The following NCOA1 variants were observed in gnomAD, a reference collection of about 807,000 sequenced individuals.
The protein encoded by NCOA1 is Hin-2 protein.
Under a neutral mutation model 150.9 loss-of-function variants are expected in NCOA1, and 35 were observed. That is an observed-to-expected ratio of 0.23 (90% CI 0.18 to 0.31). The LOEUF (loss-of-function observed/expected upper bound fraction) is 0.31, where lower values mean the gene tolerates loss of function less well. NCOA1 is among the 10% of genes least tolerant of loss of function. The pLI is 1.00. For synonymous variants in NCOA1, 590 were observed against 630.0 expected (o/e 0.94, Z 0.95); for missense variants, 1,491 against 1,749.3 (o/e 0.85, Z 2.63).
At chr2:24,745,240 C>T (rs968924579) in intron 19 of NCOA1, among the ~76,000 whole-genome samples, 26 of 150,280 alleles carry the variant, frequency 1.7e-4, no homozygotes, top group African/African-American at 6.4e-4. Flanking sequence ...CGGCTCACTG[C>T]AACCTCCACC....
At chr2:24,729,182 A>G (rs567014703) in intron 16 of NCOA1, among the ~76,000 whole-genome samples, 4 of 152,318 alleles carry the variant, frequency 2.6e-5, no homozygotes, top group Admixed American at 1.3e-4. Context: ...TCTACTTCCT[A>G]TAGTAAGCTA....
chr2:24,759,004 CA>C lies in NCOA1; in HGVS notation c.4065+855del, dbSNP rs537529761. Among the ~76,000 whole-genome samples, 481 of 151,880 alleles carry C rather than the reference CA, an allele frequency of 3.2e-3. 2 individuals carry two copies. Among genetic ancestry groups the C allele is most frequent in the South Asian group, 0.015 (72 of 4,806 alleles). On this transcript the variant is annotated intron_variant, in intron 21 of 22. Transcript: ENST00000348332. ...ACTCCATCTCAAAAAAACAAACAAA[CA>C]AAAAAACAGTACATGTAATATATTG...
At chr2:24,701,773 G>T (rs540740084) in intron 11 of NCOA1, among the ~76,000 whole-genome samples, 1 of 152,334 alleles carries the variant, frequency 6.6e-6, no homozygotes, top group South Asian at 2.1e-4. Context: ...TATTTTGAGA[G>T]GCTGAGGTGT....
intron 22 of NCOA1, chr2:24,767,668 A>G (rs1265374672): frequency 6.4e-6 from 1 of 156,738 alleles, no homozygotes; most frequent in Non-Finnish European, 1.4e-5. Context: ...TCTAAAGCCA[A>G]TATGTGAAAG....
intron 1 of NCOA1, among the ~76,000 whole-genome samples, chr2:24,537,652 A>C (rs1665216888): frequency 6.6e-6 from 1 of 152,078 alleles, no homozygotes; most frequent in Admixed American, 6.6e-5. Context: ...ACAAGTTTAG[A>C]TATCTGATGA....
chr2:24,684,441 G>C (rs575837991), intron 8 of NCOA1, among the ~76,000 whole-genome samples: 7 of 152,302 alleles, frequency 4.6e-5, no homozygotes, highest in Middle Eastern at 3.4e-3. Context: ...TGGTTCTCAG[G>C]ATGCTGTAGA....
intron 1 of NCOA1, among the ~76,000 whole-genome samples, chr2:24,550,213 G>A (rs1665770315): frequency 6.6e-6 from 1 of 152,112 alleles, no homozygotes; most frequent in Admixed American, 6.6e-5. Context: ...TCCAGCCTCT[G>A]CCTGTTACCC....
At chr2:24,642,723 C>A (rs547543095) in intron 3 of NCOA1, among the ~76,000 whole-genome samples, 1 of 152,150 alleles carries the variant, frequency 6.6e-6, no homozygotes, top group East Asian at 1.9e-4. Flanking sequence ...CTAAACACAA[C>A]CCAAATGCAC....
intron 22 of NCOA1, among the ~76,000 whole-genome samples, chr2:24,767,611 G>A (rs1454263536): frequency 6.6e-6 from 1 of 152,110 alleles, no homozygotes; most frequent in Non-Finnish European, 1.5e-5. Flanking sequence ...GTCTATCAGG[G>A]GAAAAAAGTC....
At chr2:24,495,736 C>G (rs946529113) in intron 1 of NCOA1, among the ~76,000 whole-genome samples, 2 of 152,180 alleles carry the variant, frequency 1.3e-5, no homozygotes, top group Non-Finnish European at 2.9e-5. Flanking sequence ...GAAACTCTGA[C>G]CAGACAGACA....
chr2:24,540,393 G>A (rs1460752220), intron 1 of NCOA1, among the ~76,000 whole-genome samples: 2 of 151,920 alleles, frequency 1.3e-5, no homozygotes, highest in Non-Finnish European at 2.9e-5. Context: ...TGTTGAAATG[G>A]AACAGTCTTT....
chr2:24,748,263 T>A (rs1664039157), intron 19 of NCOA1, among the ~76,000 whole-genome samples: 1 of 152,060 alleles, frequency 6.6e-6, no homozygotes, highest in Non-Finnish European at 1.5e-5. Flanking sequence ...AAGAAAAAAC[T>A]GTGAAGTCTA....
At chr2:24,527,183 A>G (rs1664687510) in intron 1 of NCOA1, among the ~76,000 whole-genome samples, 1 of 152,212 alleles carries the variant, frequency 6.6e-6, no homozygotes, top group Non-Finnish European at 1.5e-5. Flanking sequence ...AGCAGCTATC[A>G]TCTATCTACT....
At position 24,519,172 on chromosome 2, in the gene NCOA1, CAT is replaced by C. The variant is rs548481892; in HGVS notation, c.-396+27573_-396+27574del. Among the ~76,000 whole-genome samples the C allele has an allele frequency of 1.3e-4, 20 of 152,238 alleles. No individual in the cohort carries two copies. In the South Asian group the frequency reaches 2.7e-3, roughly 21 times the overall value. ...AGAAAGTCTGGAATAGATTCATTCA[CAT>C]ATGTGATAAACAAAATGTATATGTA... On this transcript the variant is annotated intron_variant, in intron 1 of 22. Transcript: ENST00000348332.
At chr2:24,763,314 C>T (rs893730267) in intron 22 of NCOA1, among the ~76,000 whole-genome samples, 8 of 151,644 alleles carry the variant, frequency 5.3e-5, no homozygotes, top group Admixed American at 3.9e-4. Context: ...CCGAGGCGGG[C>T]GGATCACAAG....
At chr2:24,505,968 T>TC (rs1378296786) in intron 1 of NCOA1, among the ~76,000 whole-genome samples, 3 of 151,654 alleles carry the variant, frequency 2.0e-5, no homozygotes, top group African/African-American at 7.3e-5. Context: ...ATAGACAGAC[T>TC]CACTCACACA....
intron 6 of NCOA1, among the ~76,000 whole-genome samples, chr2:24,672,352 A>C (rs1671726005): frequency 6.6e-6 from 1 of 152,132 alleles, no homozygotes; most frequent in Non-Finnish European, 1.5e-5. Flanking sequence ...TGGCTATATT[A>C]ATATGTGCTG....
chr2:24,673,170 C>A (rs1671758078), intron 6 of NCOA1, among the ~76,000 whole-genome samples, 196 bp from the exon 7 acceptor site: 1 of 152,118 alleles, frequency 6.6e-6, no homozygotes, highest in Admixed American at 6.6e-5. Context: ...TGTTTTCAGG[C>A]ACATTACTTA....
At chr2:24,559,889 C>G (rs933447219) in intron 1 of NCOA1, among the ~76,000 whole-genome samples, 1 of 152,164 alleles carries the variant, frequency 6.6e-6, no homozygotes, top group African/African-American at 2.4e-5. Context: ...CATTTTGCTT[C>G]CATTCTGCCC....
Sources: allele counts gnomAD v4.1 joint callset (sites outside exome capture counted in the v4.1 genomes callset), GRCh38; gene constraint gnomAD v4.1.1; transcripts MANE v1.5; gene names NCBI Gene and HGNC (gene_info 2026-07-23, HGNC 2026-07-21).